ELMO1: variants seen among roughly 807,000 people sequenced by gnomAD.
The protein encoded by ELMO1 is engulfment and cell motility 1.
ELMO1 carries 26 observed loss-of-function variants against 98.9 expected under a neutral mutation model. The ratio of observed to expected loss-of-function variants is 0.26; its 90% CI spans 0.19 to 0.36. ELMO1 has a LOEUF of 0.36. Ranked by LOEUF, ELMO1 falls within the 10% of genes least tolerant of loss-of-function variation. The probability of loss-of-function intolerance (pLI) is 1.00; values close to 1 mark genes in which losing one functional copy is unlikely to be tolerated. For synonymous variants in ELMO1, 346 were observed against 346.0 expected, an observed-to-expected ratio of 1.00 and a Z score of 0.00; for missense variants, 627 against 935.2, an observed-to-expected ratio of 0.67 and a Z score of 4.30.
At chr7:37,397,203 A>G (rs920702733) in intron 1 of ELMO1, among the ~76,000 whole-genome samples, 3 of 152,240 alleles carry the variant, frequency 2.0e-5, no homozygotes, top group Admixed American at 2.0e-4. Flanking sequence ...AAGACCCACA[A>G]AAAACTTAAA....
At chr7:36,958,693 G>A (rs959756385) in intron 16 of ELMO1, among the ~76,000 whole-genome samples, 2 of 152,066 alleles carry the variant, frequency 1.3e-5, no homozygotes, top group Non-Finnish European at 2.9e-5. Context: ...TCTTCTCGTG[G>A]CACTACAAAA....
chr7:36,969,287 T>A (rs1789713919), intron 16 of ELMO1, among the ~76,000 whole-genome samples: 1 of 152,174 alleles, frequency 6.6e-6, no homozygotes, highest in Non-Finnish European at 1.5e-5. Context: ...ATTAATTATA[T>A]TATTGAAGTA....
Position 36,891,953 on chromosome 7 carries a change from T to A in ELMO1, c.1601+2901A>T, listed in dbSNP as rs574251978. Among the ~76,000 whole-genome samples the A allele has an allele frequency of 1.9e-3, 282 of 152,318 alleles. 1 individual carries two copies. The highest frequency in any genetic ancestry group is 6.2e-3 in the African/African-American group (256 of 41,576). ...AGCTTTTTATATCCATTAACTCCAA[T>A]TAATTGGATGGACTTATCTTCCTTG... On this transcript the variant is annotated intron_variant, in intron 17 of 21. Transcript: ENST00000310758.
At chr7:37,333,244 A>G (rs532592840) in intron 2 of ELMO1, among the ~76,000 whole-genome samples, 2 of 152,336 alleles carry the variant, frequency 1.3e-5, no homozygotes, top group South Asian at 4.1e-4. Context: ...ACTGAAATCC[A>G]CATATTTAGA....
chr7:37,086,554 C>T (rs191044205), intron 15 of ELMO1, among the ~76,000 whole-genome samples: 104 of 151,674 alleles, frequency 6.9e-4, no homozygotes, highest in East Asian at 6.4e-3. Flanking sequence ...ACCAGCCTGG[C>T]CAGCATGGTG....
chr7:37,021,210 C>T (rs1380273727), intron 15 of ELMO1, among the ~76,000 whole-genome samples: 1 of 152,040 alleles, frequency 6.6e-6, no homozygotes, highest in African/African-American at 2.4e-5. Context: ...TCCTTCACTG[C>T]CTATGAGTTC....
intron 16 of ELMO1, among the ~76,000 whole-genome samples, chr7:36,979,957 C>A (rs1253862087): frequency 6.6e-6 from 1 of 152,184 alleles, no homozygotes; most frequent in Admixed American, 6.5e-5. Context: ...TGCAAGAATT[C>A]CAACCAAGTT....
intron 1 of ELMO1, among the ~76,000 whole-genome samples, chr7:37,430,234 G>T (rs1366529205): frequency 6.6e-6 from 1 of 152,166 alleles, no homozygotes; most frequent in African/African-American, 2.4e-5. Context: ...CAGGACACAG[G>T]CCTCTTCTGC....
intron 15 of ELMO1, among the ~76,000 whole-genome samples, chr7:37,093,728 A>G (rs1345806758): frequency 6.6e-6 from 1 of 152,248 alleles, no homozygotes; most frequent in African/African-American, 2.4e-5. Flanking sequence ...GGTGTCTAGC[A>G]TTCAATCAGA....
intron 14 of ELMO1, among the ~76,000 whole-genome samples, chr7:37,120,961 G>A (rs772851854): frequency 7.9e-5 from 12 of 152,188 alleles, no homozygotes; most frequent in Non-Finnish European, 1.2e-4. Flanking sequence ...AACATCTGCT[G>A]TTTACCAATA....
intron 14 of ELMO1, among the ~76,000 whole-genome samples, chr7:37,100,104 T>C (rs991739520): frequency 6.6e-6 from 1 of 152,152 alleles, no homozygotes; most frequent in Admixed American, 6.5e-5. Flanking sequence ...TCTCTTCCTG[T>C]CTCCTTATAG....
rs75792553 is a variant in ELMO1 at position 36,962,258 on chromosome 7, C to G, written c.1437+51041G>C. ...GGGAAGTTTAAAGAATACTGATTCT[C>G]AGGCCTCAGCCTAGGTGACTTGATC... On this transcript the variant is annotated intron_variant, in intron 16 of 21. Transcript: ENST00000310758. Among the ~76,000 whole-genome samples, 396 of 152,330 alleles carry G rather than the reference C, an allele frequency of 2.6e-3. 2 individuals are homozygous for G. Among genetic ancestry groups the G allele is most frequent in the Non-Finnish European group, 4.5e-3 (305 of 68,022 alleles).
At position 37,024,047 on chromosome 7, in the gene ELMO1, T is replaced by A. The variant is rs143040817; in HGVS notation, c.1301-10612A>T. 2.2e-4 allele frequency among the ~76,000 whole-genome samples: 33 copies of A among 152,324 alleles called. No homozygotes were observed. The East Asian group carries it at 6.4e-3, about 29-fold the overall frequency. ...CTTTTTCCTTCCCTCCCTTCCTTCA[T>A]CCATTTATGGGTGCTTCCTTTCTCC... is the stretch of plus-strand genomic sequence containing the variant. On this transcript the variant is annotated intron_variant, in intron 15 of 21. Transcript: ENST00000310758.
rs536884807 is a variant in ELMO1, at chr7:37,315,834, A to C, written c.119+86T>G. ...CAAGTCAGTGGGTGACTTATGAATA[A>C]TATTTTACTATCCTACTGGAAATAT... On this transcript the variant is annotated intron_variant, in intron 3 of 21. Transcript: ENST00000310758. 2.6e-5 allele frequency: 32 copies of C among 1,233,716 alleles called. No individual in the cohort carries two copies. In the East Asian group the frequency reaches 7.3e-4, roughly 28 times the overall value. The allele number at this position is 1,233,716 out of a possible 1,614,324, so 76.4% of individuals were successfully genotyped here.
Position 37,288,319 on chromosome 7 carries a change from G to A in ELMO1, c.193-16437C>T, listed in dbSNP as rs540808772. ...GGCTCACTGCAATCTCTGCCTCCTGGGTTCAAGCGATTCTCCTGCCTCAGC... is the reference window on the plus strand; with the variant it reads ...GGCTCACTGCAATCTCTGCCTCCTGAGTTCAAGCGATTCTCCTGCCTCAGC... On this transcript the variant is annotated intron_variant, in intron 4 of 21. Coordinates refer to ENST00000310758, the MANE Select transcript of ELMO1 (RefSeq NM_014800.11). 2.0e-5 allele frequency among the ~76,000 whole-genome samples: 3 copies of A among 151,936 alleles called. No individual in the cohort carries two copies. The East Asian group carries it at 5.8e-4, about 29-fold the overall frequency.
At position 37,044,034 on chromosome 7, in the gene ELMO1, T is replaced by C. The variant is rs571746893; in HGVS notation, c.1301-30599A>G. ...ACGAGGAGGAGGGTGAAGCATGAGA[T>C]GTTTATTTATAAGGGAAAAGCTCTA... On this transcript the variant is annotated intron_variant, in intron 15 of 21. Transcript: ENST00000310758. Among the ~76,000 whole-genome samples the C allele has an allele frequency of 9.2e-5, 14 of 152,316 alleles. No individual in the cohort carries two copies. The South Asian group carries it at 2.7e-3, about 29-fold the overall frequency.
rs1475190822 is a variant in ELMO1, at chr7:37,271,816, GC to G, written c.243+15del. 1.2e-6 allele frequency: 2 copies of G among 1,613,040 alleles called. No homozygotes were observed. Among genetic ancestry groups the G allele is most frequent in the Admixed American group, 3.3e-5 (2 of 59,872 alleles). ...GCAAAGAGTTTGCTGGAAGTCAGAA[GC>G]TAAGATCAACTTACTGGAGATGTGG... On this transcript the variant is annotated intron_variant, in intron 5 of 21. Transcript: ENST00000310758.
At chr7:37,353,161 C>G (rs549275778) in intron 1 of ELMO1, 8 of 152,346 alleles carry the variant, frequency 5.3e-5, no homozygotes, top group African/African-American at 1.9e-4. Flanking sequence ...TTGAGACCAA[C>G]GTTTGCTATC....
intron 1 of ELMO1, among the ~76,000 whole-genome samples, chr7:37,402,158 T>C (rs1803565155): frequency 6.6e-6 from 1 of 152,152 alleles, no homozygotes; most frequent in Admixed American, 6.5e-5. Context: ...ATGAACCTGT[T>C]GATGAGTGGG....
Sources: gnomAD v4.1 joint callset for allele counts (sites outside exome capture counted in the v4.1 genomes callset) on GRCh38, gnomAD v4.1.1 for gene constraint, MANE v1.5 for transcripts, NCBI Gene and HGNC (gene_info 2026-07-23, HGNC 2026-07-21) for gene names.